The following LMO7 variants were observed in gnomAD, a reference collection of about 807,000 sequenced individuals.
LMO7 encodes LIM domain only protein 7.
LMO7 carries 120 observed loss-of-function variants against 206.5 expected under a neutral mutation model. The observed-to-expected ratio is 0.58, with a 90% confidence interval of 0.50 to 0.68. The LOEUF is 0.68. Among genes scored for constraint, LMO7 ranks in the 30% least tolerant of loss-of-function variants. The probability of loss-of-function intolerance (pLI) is 0.00; values close to 1 mark genes in which losing one functional copy is unlikely to be tolerated. For synonymous variants in LMO7, 706 were observed against 681.5 expected (o/e 1.04, Z -0.56); for missense variants, 1,959 against 1,957.9 (o/e 1.00, Z -0.01).
chr13:75,716,098 C>A (rs2138205719), intron 2 of LMO7, among the ~76,000 whole-genome samples: 1 of 152,156 alleles, frequency 6.6e-6, no homozygotes, highest in Non-Finnish European at 1.5e-5. Context: ...CTATTAGAAA[C>A]CTCTAGGCAT....
intron 2 of LMO7, 38 bp from the exon 3 acceptor site, chr13:75,726,991 G>C (rs770679504): frequency 8.8e-7 from 1 of 1,134,588 alleles, no homozygotes; most frequent in South Asian, 1.3e-5. Flanking sequence ...CCTGATATTG[G>C]CATCTTGTAA....
At chr13:75,762,336 G>A (rs2048318258) in intron 4 of LMO7, among the ~76,000 whole-genome samples, 1 of 152,020 alleles carries the variant, frequency 6.6e-6, no homozygotes, top group South Asian at 2.1e-4. Context: ...TAAATATTTG[G>A]GTGTATTTGT....
At chr13:75,738,575 C>T (rs2046153489) in intron 3 of LMO7, among the ~76,000 whole-genome samples, 3 of 151,890 alleles carry the variant, frequency 2.0e-5, no homozygotes, top group Admixed American at 2.0e-4. Context: ...TCTCTTCTTT[C>T]TGTTCTTCAC....
intron 23 of LMO7, 97 bp from the exon 24 acceptor site, chr13:75,841,531 A>G: frequency 4.6e-6 from 4 of 870,856 alleles, no homozygotes; most frequent in Non-Finnish European, 7.0e-6. Context: ...TGGGCCAACT[A>G]TAGTTAGTAG....
chr13:75,848,874 A>C, intron 26 of LMO7: 1 of 512,506 alleles, frequency 2.0e-6, no homozygotes, highest in Non-Finnish European at 3.5e-6. Flanking sequence ...CATTCCCACC[A>C]GCAGCGTAGG....
chr13:75,752,196 A>G (rs1017093616), intron 3 of LMO7, among the ~76,000 whole-genome samples: 2 of 151,990 alleles, frequency 1.3e-5, no homozygotes, highest in Admixed American at 1.3e-4. Flanking sequence ...CAATGGCGTG[A>G]TCTTGGCTCA....
At chr13:75,637,033 T>G (rs1422116901) in intron 1 of LMO7, among the ~76,000 whole-genome samples, 1 of 152,184 alleles carries the variant, frequency 6.6e-6, no homozygotes. Flanking sequence ...CAGTCCGCCC[T>G]GGCTCGCCCG....
intron 4 of LMO7, among the ~76,000 whole-genome samples, chr13:75,782,918 T>C (rs1468872340): frequency 6.6e-6 from 1 of 152,184 alleles, no homozygotes; most frequent in Admixed American, 6.5e-5. Flanking sequence ...ATTTGTAAAG[T>C]CCTTTTTGCC....
At chr13:75,838,252 C>G in intron 20 of LMO7, 56 bp downstream of exon 20, 1 of 1,528,956 alleles carries the variant, frequency 6.5e-7, no homozygotes, top group Non-Finnish European at 9.1e-7. Flanking sequence ...TCCCTCTCCA[C>G]TCTTCCTCAT....
chr13:75,748,397 C>A (rs1240641148), intron 3 of LMO7, among the ~76,000 whole-genome samples: 1 of 152,220 alleles, frequency 6.6e-6, no homozygotes, highest in Non-Finnish European at 1.5e-5. Flanking sequence ...AGTCACGTAA[C>A]CCCTTACACC....
At position 75,819,516 on chromosome 13, in the gene LMO7, A is replaced by G. The variant is rs2057369917; in HGVS notation, c.2188A>G (p.Lys730Glu). 6.2e-7 allele frequency: 1 copy of G among 1,602,998 alleles called. No homozygotes were observed. Among genetic ancestry groups the G allele is most frequent in the Non-Finnish European group, 8.5e-7 (1 of 1,177,194 alleles). Residue 730 changes from lysine (K) to glutamate (E), a missense_variant, in exon 13 of 31, where the codon AAG (lysine) becomes GAG (glutamate). Lys to Glu is a moderately conservative substitution (Grantham distance 56). Transcript: ENST00000377534. ...EKSKRSSKTF[K>E]EMLQDRESQN... ...GTCTAAGAGAAGCTCTAAGACGTTTAAGGAAATGCTGCAGGACAGGTAATA... is the reference window on the plus strand; with the variant it reads ...GTCTAAGAGAAGCTCTAAGACGTTTGAGGAAATGCTGCAGGACAGGTAATA...
chr13:75,678,413 G>A (rs2040207642), intron 1 of LMO7, among the ~76,000 whole-genome samples: 1 of 152,146 alleles, frequency 6.6e-6, no homozygotes, highest in Admixed American at 6.5e-5. Context: ...TTTTTCATGT[G>A]TCTTTTGGCT....
At chr13:75,709,628 C>G (rs1337806591) in intron 1 of LMO7, among the ~76,000 whole-genome samples, 1 of 152,152 alleles carries the variant, frequency 6.6e-6, no homozygotes, top group Non-Finnish European at 1.5e-5. Flanking sequence ...ATCCTTTGCC[C>G]ACTTTTTGAT....
At chr13:75,692,863 A>G (rs2041604582) in intron 1 of LMO7, among the ~76,000 whole-genome samples, 2 of 152,178 alleles carry the variant, frequency 1.3e-5, no homozygotes, top group South Asian at 4.1e-4. Context: ...GGTGCCCTTC[A>G]GTCTTCTTCT....
In LMO7 at chr13:75,829,929, G is replaced by A. The variant is rs566889309; in HGVS notation, c.2950-3122G>A. Among the ~76,000 whole-genome samples, 3 of 152,164 alleles carry A rather than the reference G, an allele frequency of 2.0e-5. No homozygotes were observed. In the South Asian group the frequency reaches 6.2e-4, roughly 32 times the overall value. On this transcript the variant is annotated intron_variant, in intron 15 of 30. Transcript: ENST00000377534. Reference sequence around the variant, plus strand: ...TTGAGGGAAATTTTTTATCTTATACGCTGAGATGATGATAGACAACTGCCT... The same window carrying A: ...TTGAGGGAAATTTTTTATCTTATACACTGAGATGATGATAGACAACTGCCT...
rs375380200 is a variant in LMO7, at chr13:75,842,842, A to G, written c.4032-9A>G. 3.4e-5 allele frequency: 53 copies of G among 1,578,690 alleles called. 2 individuals are homozygous for G. The highest frequency in any genetic ancestry group is 2.8e-4 in the South Asian group (25 of 88,902). ...TATTTTGACAACAAAATCTTTTTCT[A>G]TCTTTTAGGCCTGTTGATTCCTATG... On this transcript the variant is annotated splice_polypyrimidine_tract_variant and intron_variant, in intron 24 of 30. Coordinates refer to ENST00000377534, the MANE Select transcript of LMO7 (RefSeq NM_001306080.2).
At chr13:75,760,024 A>G (rs995391271) in intron 3 of LMO7, among the ~76,000 whole-genome samples, 1 of 151,672 alleles carries the variant, frequency 6.6e-6, no homozygotes, top group African/African-American at 2.4e-5. Context: ...GGATTGTCAC[A>G]AGTTCAACCC....
At chr13:75,844,037 T>C (rs111908250) in intron 25 of LMO7, among the ~76,000 whole-genome samples, 188 of 152,312 alleles carry the variant, frequency 1.2e-3, no homozygotes, top group African/African-American at 4.4e-3. Flanking sequence ...TTAAAAGTTA[T>C]GGATTTACTT....
At chr13:75,825,575 A>T (rs1179608984) in intron 15 of LMO7, among the ~76,000 whole-genome samples, 1 of 152,208 alleles carries the variant, frequency 6.6e-6, no homozygotes. Context: ...GTATTCCACC[A>T]AGAAAAATTA....
Sources: gnomAD v4.1 joint callset for allele counts (sites outside exome capture counted in the v4.1 genomes callset) on GRCh38, gnomAD v4.1.1 for gene constraint, MANE v1.5 for transcripts, NCBI Gene and HGNC (gene_info 2026-07-23, HGNC 2026-07-21) for gene names.